TMCO5A: variants seen among roughly 807,000 people sequenced by gnomAD.
TMCO5A encodes transmembrane and coiled-coil domain-containing protein 5A.
Under a neutral mutation model 42.3 loss-of-function variants are expected in TMCO5A, and 34 were observed. That is an observed-to-expected ratio of 0.80 (90% CI 0.61 to 1.07). TMCO5A has a LOEUF of 1.07. TMCO5A is among the 50% of genes least tolerant of loss of function. TMCO5A has a pLI of 0.00. For missense variants in TMCO5A, 357 were observed against 327.9 expected (o/e 1.09, Z -0.69); for synonymous variants, 131 against 115.6 (o/e 1.13, Z -0.86).
intron 11 of TMCO5A, among the ~76,000 whole-genome samples, chr15:37,964,900 T>C (rs1398737289): frequency 2.0e-5 from 3 of 152,028 alleles, no homozygotes; most frequent in Non-Finnish European, 4.4e-5. Flanking sequence ...TTCACATAAA[T>C]TTAAAAAAAC....
chr15:38,036,494 T>A, the TMCO5A span, among the ~76,000 whole-genome samples: 1,120 of 135,590 alleles, frequency 8.3e-3, 7 homozygotes, highest in African/African-American at 0.036. Context: ...TCTCTCTCTC[T>A]CTCACACACA....
intron 4 of TMCO5A, 151 bp downstream of exon 4, chr15:37,937,121 T>A (rs1489786498): frequency 1.5e-6 from 2 of 1,293,250 alleles, no homozygotes; most frequent in Non-Finnish European, 2.1e-6. Flanking sequence ...TGGAAGGGGA[T>A]GTGTCTGGCT....
chr15:37,943,544 C>A, intron 10 of TMCO5A, 146 bp downstream of exon 10: 2 of 649,952 alleles, frequency 3.1e-6, no homozygotes, highest in Non-Finnish European at 5.2e-6. Flanking sequence ...CAGAGCATTC[C>A]AACCCTAAAC....
At chr15:38,035,547 G>C in the TMCO5A span, among the ~76,000 whole-genome samples, 2 of 152,310 alleles carry the variant, frequency 1.3e-5, no homozygotes, top group African/African-American at 2.4e-5. Context: ...AAGAGGCTGA[G>C]ACAGGGAAGA....
At chr15:38,012,835 G>A in the TMCO5A span, among the ~76,000 whole-genome samples, 13 of 152,084 alleles carry the variant, frequency 8.5e-5, no homozygotes, top group Non-Finnish European at 1.6e-4. Flanking sequence ...AAGAGGAAAT[G>A]TTAATGTAAA....
At chr15:37,999,949 C>T in the TMCO5A span, among the ~76,000 whole-genome samples, 2 of 152,180 alleles carry the variant, frequency 1.3e-5, no homozygotes, top group Non-Finnish European at 2.9e-5. Flanking sequence ...AGGATTTTTA[C>T]ATCACTGTTC....
chr15:37,952,603 C>CTGAGAATT (rs1890187756), downstream of TMCO5A, among the ~76,000 whole-genome samples: 1 of 152,182 alleles, frequency 6.6e-6, no homozygotes, highest in South Asian at 2.1e-4. Context: ...AGGTGAGACC[C>CTGAGAATT]TGAGAATTTC....
chr15:37,943,134 T>A, intron 9 of TMCO5A: 1 of 424,264 alleles, frequency 2.4e-6, no homozygotes. Context: ...TAAAACTAAC[T>A]ACATATGGCA....
At chr15:38,038,459 CA>C in the TMCO5A span, among the ~76,000 whole-genome samples, 1 of 150,066 alleles carries the variant, frequency 6.7e-6, no homozygotes, top group Non-Finnish European at 1.5e-5. Context: ...GGCTGGAGTG[CA>C]GTGGCTGCGA....
the TMCO5A span, among the ~76,000 whole-genome samples, chr15:38,000,053 T>G: frequency 6.6e-6 from 1 of 152,292 alleles, no homozygotes; most frequent in East Asian, 1.9e-4. Context: ...TTTGGAAGTA[T>G]TCCCCCTCCT....
chr15:37,982,149 T>G, the TMCO5A span, among the ~76,000 whole-genome samples: 1 of 152,158 alleles, frequency 6.6e-6, no homozygotes, highest in African/African-American at 2.4e-5. Context: ...AGATTTGAGC[T>G]TCAAGAGAAT....
At chr15:37,964,317 C>A (rs902280787) in intron 11 of TMCO5A, among the ~76,000 whole-genome samples, 4 of 152,132 alleles carry the variant, frequency 2.6e-5, no homozygotes, top group African/African-American at 9.7e-5. Flanking sequence ...AGGCTGGTAC[C>A]AGGGGTTGTC....
the TMCO5A span, among the ~76,000 whole-genome samples, chr15:37,996,922 T>G: frequency 6.6e-6 from 1 of 152,328 alleles, no homozygotes; most frequent in South Asian, 2.1e-4. Flanking sequence ...TTAGCCCAGC[T>G]GCGAAGAATA....
At chr15:38,028,153 G>A in the TMCO5A span, among the ~76,000 whole-genome samples, 11 of 150,780 alleles carry the variant, frequency 7.3e-5, no homozygotes, top group Admixed American at 5.3e-4. Context: ...TAGCTCAGCT[G>A]CTTATTATAA....
intron 10 of TMCO5A, among the ~76,000 whole-genome samples, chr15:37,945,133 T>C (rs1889898050): frequency 6.6e-6 from 1 of 152,256 alleles, no homozygotes; most frequent in East Asian, 1.9e-4. Flanking sequence ...AGTGTTTGGG[T>C]TTCTGTTCTT....
chr15:37,938,477 G>A (rs1353195361), intron 6 of TMCO5A, among the ~76,000 whole-genome samples: 1 of 152,004 alleles, frequency 6.6e-6, no homozygotes, highest in East Asian at 1.9e-4. Context: ...TAAAATTTGG[G>A]GCAGTTAAAG....
downstream of TMCO5A, among the ~76,000 whole-genome samples, chr15:37,953,863 A>T (rs1309210644): frequency 6.6e-6 from 1 of 152,012 alleles, no homozygotes; most frequent in Non-Finnish European, 1.5e-5. Context: ...CAAAGAGATT[A>T]AAATAATTTA....
chr15:37,952,227 G>A (rs1890176596), downstream of TMCO5A, among the ~76,000 whole-genome samples: 1 of 152,088 alleles, frequency 6.6e-6, no homozygotes, highest in Admixed American at 6.6e-5. Flanking sequence ...TTGGCAGGGA[G>A]TGGGGGTGGT....
At chr15:37,989,881 A>C in the TMCO5A span, among the ~76,000 whole-genome samples, 2 of 152,114 alleles carry the variant, frequency 1.3e-5, no homozygotes, top group African/African-American at 4.8e-5. Flanking sequence ...CCATTTTTCT[A>C]AGAGCATTAA....
Sources: gnomAD v4.1 joint callset for allele counts (sites outside exome capture counted in the v4.1 genomes callset) on GRCh38, gnomAD v4.1.1 for gene constraint, MANE v1.5 for transcripts, NCBI Gene and HGNC (gene_info 2026-07-23, HGNC 2026-07-21) for gene names.